Variants in COBL observed in about 807,000 individuals in gnomAD.
COBL encodes the protein protein cordon-bleu.
In COBL, 51 loss-of-function variants were observed where a neutral mutation model predicts 98.8. That is an observed-to-expected ratio of 0.52 (90% CI 0.41 to 0.65). The LOEUF is 0.65. Ranked by LOEUF, COBL falls within the 30% of genes least tolerant of loss-of-function variation. COBL has a pLI of 0.00. For synonymous variants in COBL, 634 were observed against 651.7 expected, an observed-to-expected ratio of 0.97 and a Z score of 0.41; for missense variants, 1,617 against 1,617.5, an observed-to-expected ratio of 1.00 and a Z score of 0.01.
chr7:51,169,984 T>TA (rs931013113), intron 5 of COBL, among the ~76,000 whole-genome samples: 2 of 152,114 alleles, frequency 1.3e-5, no homozygotes, highest in South Asian at 2.1e-4. Context: ...TACCCACAAT[T>TA]AAAAATGGAT....
intron 7 of COBL, among the ~76,000 whole-genome samples, chr7:51,061,958 C>CACACACACAT (rs1791417838): frequency 2.3e-5 from 1 of 43,636 alleles, no homozygotes; most frequent in African/African-American, 3.7e-5. Context: ...GATACACACA[C>CACACACACAT]ACACACACAC....
intron 8 of COBL, among the ~76,000 whole-genome samples, chr7:51,037,684 C>T (rs939502570): frequency 2.0e-5 from 3 of 152,188 alleles, no homozygotes; most frequent in Non-Finnish European, 4.4e-5. Flanking sequence ...AGTTTCTTCA[C>T]TGGCTGTACT....
chr7:51,097,289 G>A (rs1000612367), intron 6 of COBL, among the ~76,000 whole-genome samples: 22 of 151,994 alleles, frequency 1.4e-4, no homozygotes, highest in Non-Finnish European at 3.2e-4. Flanking sequence ...AGGAATCAAA[G>A]GAAATTACCT....
chr7:51,186,454 G>A (rs1789518542), intron 4 of COBL, among the ~76,000 whole-genome samples: 1 of 152,188 alleles, frequency 6.6e-6, no homozygotes, highest in Admixed American at 6.5e-5. Context: ...TACACAAGCT[G>A]TATTACACCG....
intron 1 of COBL, among the ~76,000 whole-genome samples, chr7:51,290,999 T>C (rs1419911454): frequency 1.3e-5 from 2 of 152,302 alleles, no homozygotes; most frequent in African/African-American, 4.8e-5. Context: ...TCCAGCACCT[T>C]GCACAGTGCC....
At chr7:51,122,541 G>C (rs992730809) in intron 6 of COBL, among the ~76,000 whole-genome samples, 1 of 152,038 alleles carries the variant, frequency 6.6e-6, no homozygotes, top group Non-Finnish European at 1.5e-5. Flanking sequence ...TTGTTTTTTC[G>C]TCTCCACATT....
chr7:51,261,660 G>A (rs1016779242), intron 1 of COBL, among the ~76,000 whole-genome samples: 1 of 152,156 alleles, frequency 6.6e-6, no homozygotes, highest in Non-Finnish European at 1.5e-5. Flanking sequence ...AGGCCCTGGA[G>A]GTGTTGAAAG....
chr7:51,118,110 A>G (rs925521844), intron 6 of COBL, among the ~76,000 whole-genome samples: 2 of 152,166 alleles, frequency 1.3e-5, no homozygotes, highest in Non-Finnish European at 2.9e-5. Context: ...AATTCTGGCC[A>G]CATAGTTCTG....
At chr7:51,072,976 A>C (rs192030964) in intron 7 of COBL, 1 of 170,796 alleles carries the variant, frequency 5.9e-6, no homozygotes, top group African/African-American at 2.4e-5. Flanking sequence ...TTATGGATAC[A>C]ATCTAGTTTT....
At chr7:51,246,038 T>A (rs949277012) in intron 1 of COBL, among the ~76,000 whole-genome samples, 5 of 152,344 alleles carry the variant, frequency 3.3e-5, no homozygotes, top group Non-Finnish European at 7.3e-5. Context: ...CCATGTGGTA[T>A]GTATGTGTCA....
intron 8 of COBL, 159 bp from the exon 9 acceptor site, chr7:51,031,068 T>C (rs987322241): frequency 9.6e-6 from 6 of 626,852 alleles, no homozygotes; most frequent in Non-Finnish European, 1.7e-5. Flanking sequence ...GAGACGCAGA[T>C]TGTTCATGGG....
chr7:51,223,056 C>T (rs1013623979), intron 1 of COBL, among the ~76,000 whole-genome samples: 6 of 152,216 alleles, frequency 3.9e-5, no homozygotes, highest in African/African-American at 1.4e-4. Flanking sequence ...ACGGTGTGTA[C>T]TCCACCCTTC....
intron 8 of COBL, among the ~76,000 whole-genome samples, chr7:51,038,109 C>T (rs1047210627): frequency 7.2e-5 from 11 of 152,212 alleles, no homozygotes; most frequent in Non-Finnish European, 1.6e-4. Context: ...GCCTCGGCCT[C>T]TCAAAGTGCT....
chr7:51,249,876 C>G (rs1474145252), intron 1 of COBL, among the ~76,000 whole-genome samples: 1 of 152,038 alleles, frequency 6.6e-6, no homozygotes, highest in Non-Finnish European at 1.5e-5. Context: ...TTGAGGCGGG[C>G]AGATCATTTG....
intron 6 of COBL, among the ~76,000 whole-genome samples, chr7:51,133,642 A>T (rs948939043): frequency 1.3e-5 from 2 of 152,238 alleles, no homozygotes; most frequent in African/African-American, 2.4e-5. Flanking sequence ...TAATGTGTAC[A>T]ATCAATCATT....
At chr7:51,267,338 C>A (rs1015622222) in intron 1 of COBL, among the ~76,000 whole-genome samples, 3 of 152,130 alleles carry the variant, frequency 2.0e-5, no homozygotes, top group African/African-American at 7.2e-5. Context: ...CACAGATGAG[C>A]CAGAACAAAA....
At chr7:51,042,556 C>T (rs1002630615) in intron 8 of COBL, among the ~76,000 whole-genome samples, 4 of 151,796 alleles carry the variant, frequency 2.6e-5, no homozygotes, top group African/African-American at 9.7e-5. Context: ...GAGAAAAGGT[C>T]TCACTATATT....
intron 7 of COBL, among the ~76,000 whole-genome samples, chr7:51,057,797 T>C (rs1052479267): frequency 9.9e-5 from 15 of 152,068 alleles, no homozygotes; most frequent in Non-Finnish European, 1.6e-4. Context: ...GCTCCAGCCT[T>C]AGGGTTTCAG....
intron 5 of COBL, among the ~76,000 whole-genome samples, chr7:51,157,884 T>C (rs1310101750): frequency 1.3e-5 from 2 of 152,232 alleles, no homozygotes; most frequent in Non-Finnish European, 2.9e-5. Flanking sequence ...TGATATATAA[T>C]TTTTATTTGT....
Sources: gnomAD v4.1 joint callset for allele counts (sites outside exome capture counted in the v4.1 genomes callset) on GRCh38, gnomAD v4.1.1 for gene constraint, MANE v1.5 for transcripts, NCBI Gene and HGNC (gene_info 2026-07-23, HGNC 2026-07-21) for gene names.